SHISA9: variants seen among roughly 807,000 people sequenced by gnomAD.
SHISA9 encodes protein shisa-9.
SHISA9 carries 13 observed loss-of-function variants against 38.0 expected under a neutral mutation model. That is an observed-to-expected ratio of 0.34 (90% CI 0.22 to 0.54). The LOEUF is 0.54. SHISA9 is among the 20% of genes least tolerant of loss of function. The pLI, the probability that SHISA9 is intolerant of heterozygous loss-of-function variation, is 0.91. For synonymous variants in SHISA9, 275 were observed against 242.0 expected (o/e 1.14, Z -1.27); for missense variants, 538 against 575.8 (o/e 0.93, Z 0.67).
At chr16:12,994,931 A>G (rs936293222) in intron 2 of SHISA9, among the ~76,000 whole-genome samples, 1 of 152,202 alleles carries the variant, frequency 6.6e-6, no homozygotes, top group Non-Finnish European at 1.5e-5. Flanking sequence ...AAGTCCACAG[A>G]TGAATATATG....
chr16:13,100,759 G>A (rs1034700163), intron 2 of SHISA9, among the ~76,000 whole-genome samples: 18 of 152,324 alleles, frequency 1.2e-4, no homozygotes, highest in African/African-American at 4.3e-4. Flanking sequence ...CCAGGCTGGA[G>A]TGCAGTGATG....
chr16:13,300,985 TC>T, the SHISA9 span, among the ~76,000 whole-genome samples: 1 of 152,104 alleles, frequency 6.6e-6, no homozygotes, highest in Non-Finnish European at 1.5e-5. Flanking sequence ...GTGACTCTTT[TC>T]TTTCCTTGTC....
At chr16:13,489,512 G>A in the SHISA9 span, among the ~76,000 whole-genome samples, 25 of 152,228 alleles carry the variant, frequency 1.6e-4, no homozygotes, top group East Asian at 4.6e-3. Context: ...TTGTGAGAGG[G>A]ATCCAGTGGG....
At chr16:13,449,587 C>T in the SHISA9 span, among the ~76,000 whole-genome samples, 570 of 152,208 alleles carry the variant, frequency 3.7e-3, 5 homozygotes, top group African/African-American at 0.013. Context: ...TGTGTGTGTA[C>T]TGCATTGTAG....
chr16:13,234,536 C>CAA (rs2051361945), intron 4 of SHISA9, among the ~76,000 whole-genome samples: 1 of 152,076 alleles, frequency 6.6e-6, no homozygotes, highest in African/African-American at 2.4e-5. Context: ...AGCAAACAAA[C>CAA]CAGCGGAGAA....
chr16:13,052,880 G>A (rs1323891892), intron 2 of SHISA9, among the ~76,000 whole-genome samples: 3 of 151,794 alleles, frequency 2.0e-5, no homozygotes, highest in Non-Finnish European at 2.9e-5. Context: ...ACTGAGGCTT[G>A]GAGAATTTAA....
chr16:13,397,917 AGCT>A, the SHISA9 span, among the ~76,000 whole-genome samples: 2 of 152,202 alleles, frequency 1.3e-5, no homozygotes, highest in African/African-American at 2.4e-5. Context: ...GAGTGGAAGT[AGCT>A]CTCAGCAGAG....
intron 2 of SHISA9, among the ~76,000 whole-genome samples, chr16:13,037,937 A>C (rs7190226): frequency 0.15 from 22,975 of 152,064 alleles, 4,101 homozygotes; most frequent in African/African-American, 0.43. Context: ...CTAATGCATT[A>C]CTTGGGGATC....
chr16:13,086,744 T>C lies in SHISA9; in HGVS notation c.692-116650T>C, dbSNP rs563846002. Among the ~76,000 whole-genome samples, 201 of 152,338 alleles carry C rather than the reference T, an allele frequency of 1.3e-3. 1 individual carries two copies. The highest frequency in any genetic ancestry group is 4.7e-3 in the African/African-American group (194 of 41,582). On this transcript the variant is annotated intron_variant, in intron 2 of 4. Transcript: ENST00000558583. Reference sequence around the variant, plus strand: ...TCTGAGGAAAACAACCACCAATGGATGGAAGCAGGAGAGAGAAAGATTCTA... The same window carrying C: ...TCTGAGGAAAACAACCACCAATGGACGGAAGCAGGAGAGAGAAAGATTCTA...
the SHISA9 span, among the ~76,000 whole-genome samples, chr16:13,466,775 T>C: frequency 3.9e-5 from 6 of 152,248 alleles, no homozygotes; most frequent in African/African-American, 1.4e-4. Flanking sequence ...TGATTAACTT[T>C]GTATCAGCAT....
rs113968316 is a variant in SHISA9 at position 12,925,473 on chromosome 16, G to GTGTGTGTGTTTA, written c.691+8658_691+8659insTGTGTGTGTTTA. Reference sequence around the variant, plus strand: ...TGTGTGTGTGTGTGTGTGTGTGTGTGCAAGCAACAGAGAAAGACAACCCTT... The same window carrying GTGTGTGTGTTTA: ...TGTGTGTGTGTGTGTGTGTGTGTGTGTGTGTGTGTTTACAAGCAACAGAGAAAGACAACCCTT... On this transcript the variant is annotated intron_variant, in intron 2 of 4. Coordinates refer to ENST00000558583, the MANE Select transcript of SHISA9 (RefSeq NM_001145204.3). Among the ~76,000 whole-genome samples, 1,423 of 150,594 alleles carry GTGTGTGTGTTTA rather than the reference G, an allele frequency of 9.4e-3. 28 individuals are homozygous for GTGTGTGTGTTTA. The highest frequency in any genetic ancestry group is 0.033 in the African/African-American group (1,345 of 40,986).
chr16:13,387,372 C>T, the SHISA9 span, among the ~76,000 whole-genome samples: 4 of 152,056 alleles, frequency 2.6e-5, no homozygotes, highest in African/African-American at 7.2e-5. Context: ...CAGAGACAGA[C>T]AGGGAGAACA....
At chr16:12,913,935 C>T (rs2071219818) in intron 1 of SHISA9, among the ~76,000 whole-genome samples, 1 of 151,942 alleles carries the variant, frequency 6.6e-6, no homozygotes, top group East Asian at 1.9e-4. Flanking sequence ...GTTGTTTCCG[C>T]TTGTTGGCTA....
chr16:13,313,254 C>CAAAAAAA, the SHISA9 span, among the ~76,000 whole-genome samples: 34 of 49,516 alleles, frequency 6.9e-4, no homozygotes, highest in East Asian at 2.9e-3. Context: ...GACTCCGTCT[C>CAAAAAAA]AAAAAAAAAA....
chr16:13,358,553 A>G, the SHISA9 span, among the ~76,000 whole-genome samples: 17 of 152,304 alleles, frequency 1.1e-4, no homozygotes, highest in African/African-American at 3.8e-4. Flanking sequence ...CAATTCCTCT[A>G]TCTCTTCCCA....
At chr16:13,355,418 G>A in the SHISA9 span, among the ~76,000 whole-genome samples, 1 of 151,726 alleles carries the variant, frequency 6.6e-6, no homozygotes, top group Non-Finnish European at 1.5e-5. Context: ...GGGTTAAGGT[G>A]GGGGGATACA....
At chr16:13,026,899 G>C (rs755404027) in intron 2 of SHISA9, among the ~76,000 whole-genome samples, 1 of 152,180 alleles carries the variant, frequency 6.6e-6, no homozygotes, top group Non-Finnish European at 1.5e-5. Flanking sequence ...GCTGCGGGAA[G>C]GGAAAACCAG....
intron 2 of SHISA9, among the ~76,000 whole-genome samples, chr16:12,934,404 T>G (rs990939965): frequency 2.4e-4 from 37 of 152,148 alleles, no homozygotes; most frequent in African/African-American, 8.9e-4. Context: ...CCAAATAAAT[T>G]AAAGACTCCT....
chr16:12,901,878 GCGAACGCGGGCTGAGC>G lies in SHISA9; in HGVS notation c.-183_-168del, dbSNP rs2071019771. ...GCGCTGGAGGCGAACGCGGGCTGAG[GCGAACGCGGGCTGAGC>G]CGAGCGCAGTGGCCGCCGACCACCG... is the stretch of plus-strand genomic sequence containing the variant. On this transcript the variant is annotated 5_prime_UTR_variant, in exon 1 of 5. Coordinates refer to ENST00000558583, the MANE Select transcript of SHISA9 (RefSeq NM_001145204.3). 1 of 206,138 alleles carries G rather than the reference GCGAACGCGGGCTGAGC, an allele frequency of 4.9e-6. No individual in the cohort carries two copies. Among genetic ancestry groups the G allele is most frequent in the African/African-American group, 2.5e-5 (1 of 40,216 alleles). 12.8% of individuals were successfully genotyped at this position (206,138 alleles called of 1,614,324 possible).
Sources: allele counts gnomAD v4.1 joint callset (sites outside exome capture counted in the v4.1 genomes callset), GRCh38; gene constraint gnomAD v4.1.1; transcripts MANE v1.5; gene names NCBI Gene and HGNC (gene_info 2026-07-23, HGNC 2026-07-21).